GALNT5: variants seen among roughly 807,000 people sequenced by gnomAD.
The protein encoded by GALNT5 is polypeptide N-acetylgalactosaminyltransferase 5, also known as UDP-GalNAc:polypeptide N-acetylgalactosaminyltransferase 5.
A neutral mutation model predicts 85.4 loss-of-function variants in GALNT5; 72 were observed. The observed-to-expected ratio is 0.84, with a 90% CI of 0.70 to 1.03. The LOEUF is 1.03. Ranked by LOEUF, GALNT5 falls within the 50% of genes least tolerant of loss-of-function variation. The pLI is 0.00. For missense variants in GALNT5, 1,137 were observed against 1,135.5 expected (o/e 1.00, Z -0.02); for synonymous variants, 404 against 397.0 (o/e 1.02, Z -0.21).
intron 3 of GALNT5, among the ~76,000 whole-genome samples, chr2:157,295,203 G>A (rs1025709073): frequency 1.3e-4 from 20 of 151,836 alleles, no homozygotes; most frequent in Admixed American, 1.2e-3. Flanking sequence ...TCCTAGCCTT[G>A]CTGGTTTGTC....
chr2:157,273,629 G>GTTTTTTTTT (rs1682644348), intron 1 of GALNT5, among the ~76,000 whole-genome samples: 5 of 38,008 alleles, frequency 1.3e-4, no homozygotes, highest in African/African-American at 1.2e-3. Context: ...CATATTTCTT[G>GTTTTTTTTT]CTTTTTTTTT....
intron 3 of GALNT5, among the ~76,000 whole-genome samples, chr2:157,286,999 CTT>C (rs1682991660): frequency 6.6e-6 from 1 of 150,632 alleles, no homozygotes; most frequent in South Asian, 2.1e-4. Context: ...TTGATTTCCT[CTT>C]GTTACCTGCA....
chr2:157,311,122 C>A, intron 9 of GALNT5, 86 bp from the exon 10 acceptor site: 2 of 1,016,698 alleles, frequency 2.0e-6, no homozygotes, highest in Non-Finnish European at 3.0e-6. Flanking sequence ...AACTGCCTGT[C>A]CATTTTTTTA....
chr2:157,298,518 A>G (rs995110303), intron 5 of GALNT5, among the ~76,000 whole-genome samples: 2 of 152,136 alleles, frequency 1.3e-5, no homozygotes, highest in African/African-American at 4.8e-5. Context: ...CTCCATCCAG[A>G]TAAGGGGCAG....
intron 1 of GALNT5, among the ~76,000 whole-genome samples, chr2:157,267,380 G>T (rs1466511890): frequency 1.3e-5 from 2 of 152,146 alleles, no homozygotes; most frequent in African/African-American, 4.8e-5. Flanking sequence ...AATTTAATTT[G>T]CCTTTTCTCA....
rs79731237 is a variant in GALNT5, at chr2:157,282,954, C to T, written c.1455-1328C>T. On this transcript the variant is annotated intron_variant, in intron 1 of 9. Transcript: ENST00000259056. The stretch of plus-strand genomic sequence containing the variant: ...ATGCAAATGTGATTTGCTTTACTAT[C>T]GTTTTTGCTCTTACCTATTTCTTAT... 1.2e-3 allele frequency among the ~76,000 whole-genome samples: 178 copies of T among 152,258 alleles called. 1 individual carries two copies. The highest frequency in any genetic ancestry group is 4.2e-3 in the African/African-American group (173 of 41,546).
intron 1 of GALNT5, among the ~76,000 whole-genome samples, chr2:157,272,204 C>T (rs1267493676): frequency 6.6e-6 from 1 of 151,956 alleles, no homozygotes; most frequent in African/African-American, 2.4e-5. Flanking sequence ...TACTCTGATG[C>T]TCATAAATAT....
rs1343344767 is a variant in GALNT5 at position 157,258,554 on chromosome 2, G to A, written c.472G>A (p.Gly158Arg). The A allele has an allele frequency of 6.2e-7, 1 of 1,613,196 alleles. No homozygotes were observed. Among genetic ancestry groups the A allele is most frequent in the South Asian group, 1.1e-5 (1 of 90,992 alleles). ...CAAACCTGAAGCCTCCTCTCACCAG[G>A]GGACACCAAAGCAAACGACAGCTCA... The part of the protein sequence containing the change: ...GTKPEASSHQ[G>R]TPKQTTAQGA... The change falls in exon 1 of 10, where the codon GGG becomes AGG. Residue 158 changes from glycine to arginine, a missense_variant. Gly to Arg is a moderately radical substitution (Grantham distance 125, BLOSUM62 -2). Transcript: ENST00000259056.
rs150659301 is a variant in GALNT5, at chr2:157,311,252, G to A, written c.2727G>A (p.Leu909=). ...AAAACAATCAGCAATTATTATGCTT[G>A]GAAGGAAATTTTTCTCAAAAGATCC... ...VFENNQQLLC[L]EGNFSQKILK... is the part of the protein sequence containing the mutation. Residue 909 remains leucine (L), a synonymous_variant, in exon 10 of 10, where the codon TTG becomes TTA. Transcript: ENST00000259056. 169 of 1,609,626 alleles carry A rather than the reference G, an allele frequency of 1.0e-4. No individual in the cohort carries two copies. Among genetic ancestry groups the A allele is most frequent in the Non-Finnish European group, 1.4e-4 (168 of 1,176,668 alleles).
rs1682527684 is a variant in GALNT5 at position 157,269,237 on chromosome 2, A to G, written c.1454+9701A>G. The stretch of plus-strand genomic sequence containing the variant: ...CTGTTCCTTTGAACAAAACAAGCAC[A>G]CTAGTTTTGCTAGATACCCGGAAAC... On this transcript the variant is annotated intron_variant, in intron 1 of 9. Transcript: ENST00000259056. Among the ~76,000 whole-genome samples, 2 of 152,164 alleles carry G rather than the reference A, an allele frequency of 1.3e-5. 1 individual carries two copies. Among genetic ancestry groups the G allele is most frequent in the South Asian group, 4.1e-4 (2 of 4,830 alleles).
intron 1 of GALNT5, among the ~76,000 whole-genome samples, chr2:157,279,230 T>C (rs1164746938): frequency 6.6e-6 from 1 of 152,194 alleles, no homozygotes; most frequent in Non-Finnish European, 1.5e-5. Context: ...ATATGAGGTG[T>C]CTGTCAGCCC....
intron 1 of GALNT5, among the ~76,000 whole-genome samples, chr2:157,264,202 C>T (rs866478801): frequency 6.8e-6 from 1 of 146,804 alleles, no homozygotes; most frequent in Non-Finnish European, 1.5e-5. Context: ...CACACACACA[C>T]ACGTACACAC....
chr2:157,299,489 C>T, intron 5 of GALNT5, 59 bp from the exon 6 acceptor site: 3 of 978,722 alleles, frequency 3.1e-6, no homozygotes, highest in South Asian at 2.8e-5. Flanking sequence ...AGAGGAACAA[C>T]TCTAAAAGTC....
At position 157,284,094 on chromosome 2, in the gene GALNT5, CA is replaced by C. The variant is rs1176489155; in HGVS notation, c.1455-181del. ...TTTTTATTTTGCATGTACCCCTCCC[CA>C]AAAAAAGGCACATGATAAATAATAA... On this transcript the variant is annotated intron_variant, in intron 1 of 9. Coordinates refer to ENST00000259056, the MANE Select transcript of GALNT5 (RefSeq NM_014568.3). Among the ~76,000 whole-genome samples the C allele has an allele frequency of 2.0e-5, 3 of 151,648 alleles. No individual in the cohort carries two copies. In the East Asian group the frequency reaches 5.8e-4, roughly 29 times the overall value.
At position 157,259,189 on chromosome 2, in the gene GALNT5, T is replaced by A; in HGVS notation, c.1107T>A (p.Ser369=). Residue 369 remains serine, a synonymous_variant, in exon 1 of 10, where the codon TCT becomes TCA. Transcript: ENST00000259056. ...GGAATAGAAGTGAGATGTCTTCCTC[T>A]TCACTTGCTCCACATAGAGTGCCAC... ...ISRNRSEMSS[S]SLAPHRVPLS... 6.5e-7 allele frequency: 1 copy of A among 1,548,540 alleles called. No individual in the cohort carries two copies. Among genetic ancestry groups the A allele is most frequent in the South Asian group, 1.3e-5 (1 of 79,116 alleles).
chr2:157,269,858 A>G (rs1374870747), intron 1 of GALNT5, among the ~76,000 whole-genome samples: 1 of 152,080 alleles, frequency 6.6e-6, no homozygotes, highest in Non-Finnish European at 1.5e-5. Flanking sequence ...TCTCAGACCA[A>G]CCAAATTTTA....
intron 1 of GALNT5, among the ~76,000 whole-genome samples, chr2:157,268,682 A>G (rs1682511784): frequency 6.6e-6 from 1 of 152,212 alleles, no homozygotes; most frequent in African/African-American, 2.4e-5. Flanking sequence ...CTTTCTGTCC[A>G]CCACAGTAGT....
Position 157,305,795 on chromosome 2 carries a change from C to A in GALNT5, c.2486C>A (p.Thr829Lys), listed in dbSNP as rs1683443304. Residue 829 changes from threonine (T) to lysine (K), a missense_variant, in exon 8 of 10, where the codon ACA becomes AAA. Transcript: ENST00000259056. ...LGKCISIENT[T>K]VILEDCDGSK... ...AAATGCATTTCCATTGAAAACACTA[C>A]AGTCATTCTGGAAGACTGCGATGGG... 1 of 1,609,834 alleles carries A rather than the reference C, an allele frequency of 6.2e-7. No homozygotes were observed. Among genetic ancestry groups the A allele is most frequent in the Non-Finnish European group, 8.5e-7 (1 of 1,176,260 alleles).
chr2:157,307,186 T>A (rs1158887224), intron 8 of GALNT5, among the ~76,000 whole-genome samples: 1 of 152,170 alleles, frequency 6.6e-6, no homozygotes, highest in Non-Finnish European at 1.5e-5. Context: ...CAGCTCCCTT[T>A]TAGTCTTTGT....
Sources: allele counts gnomAD v4.1 joint callset (sites outside exome capture counted in the v4.1 genomes callset), GRCh38; gene constraint gnomAD v4.1.1; transcripts MANE v1.5; gene names NCBI Gene and HGNC (gene_info 2026-07-23, HGNC 2026-07-21).